The following KIF5C variants were observed in gnomAD, a reference collection of about 807,000 sequenced individuals.
KIF5C encodes kinesin family member 5C.
A neutral mutation model predicts 125.2 loss-of-function variants in KIF5C; 18 were observed. The ratio of observed to expected loss-of-function variants is 0.14; its 90% CI spans 0.10 to 0.21. KIF5C has a LOEUF of 0.21. Ranked by LOEUF, KIF5C falls within the 10% of genes least tolerant of loss-of-function variation. The pLI is 1.00. For synonymous variants in KIF5C, 405 were observed against 434.0 expected (o/e 0.93, Z 0.83); for missense variants, 780 against 1,183.8 (o/e 0.66, Z 5.01).
At chr2:148,963,827 CT>C (rs1682985894) in intron 11 of KIF5C, among the ~76,000 whole-genome samples, 1 of 152,152 alleles carries the variant, frequency 6.6e-6, no homozygotes, top group South Asian at 2.1e-4. Context: ...TCTTGCCAAA[CT>C]TTAACCTTGC....
At position 148,951,159 on chromosome 2, in the gene KIF5C, C is replaced by G. The variant is rs115982771; in HGVS notation, c.968+697C>G. On this transcript the variant is annotated intron_variant, in intron 10 of 25. Coordinates refer to ENST00000435030, the MANE Select transcript of KIF5C (RefSeq NM_004522.3). Reference sequence around the variant, plus strand: ...TAACTGCCTTTAGCTCCGGTATTTGCGATCCATTGCACAGTTGCTGATAAA... The same window carrying G: ...TAACTGCCTTTAGCTCCGGTATTTGGGATCCATTGCACAGTTGCTGATAAA... 4.1e-3 allele frequency among the ~76,000 whole-genome samples: 622 copies of G among 152,156 alleles called. 3 individuals are homozygous for G. Among genetic ancestry groups the G allele is most frequent in the African/African-American group, 0.014 (600 of 41,506 alleles).
At chr2:148,921,750 A>G (rs1271497222) in intron 1 of KIF5C, among the ~76,000 whole-genome samples, 1 of 152,088 alleles carries the variant, frequency 6.6e-6, no homozygotes, top group Non-Finnish European at 1.5e-5. Context: ...CTTATTAGCT[A>G]TCTGCTCAAC....
chr2:148,977,644 G>A (rs1681112401), intron 12 of KIF5C, among the ~76,000 whole-genome samples: 1 of 152,150 alleles, frequency 6.6e-6, no homozygotes, highest in South Asian at 2.1e-4. Flanking sequence ...AGAAACATTG[G>A]TGTAAAGGGT....
At chr2:148,941,848 C>T (rs1682414143) in intron 5 of KIF5C, 87 bp from the exon 6 acceptor site, 2 of 1,536,542 alleles carry the variant, frequency 1.3e-6, no homozygotes, top group Non-Finnish European at 1.8e-6. Flanking sequence ...ATTTGACTGT[C>T]TTTGTAACAA....
In KIF5C at chr2:149,010,037, G is replaced by A. The variant is rs1030174063; in HGVS notation, c.2551-98G>A. ...GGAGTGCCAAGGACAACCTAGCAGG[G>A]GCCACCTGTTCAGCAGCAGGGGCTG... On this transcript the variant is annotated intron_variant, in intron 23 of 25. Coordinates refer to ENST00000435030, the MANE Select transcript of KIF5C (RefSeq NM_004522.3). 4.1e-6 allele frequency: 6 copies of A among 1,455,170 alleles called. No individual in the cohort carries two copies. The South Asian group carries it at 4.4e-5, about 11-fold the overall frequency. The allele number at this position is 1,455,170 out of a possible 1,614,324, so 90.1% of individuals were successfully genotyped here. A position where few individuals can be genotyped will look rare whatever the true frequency, so the allele number is the denominator to read the frequency against.
intron 17 of KIF5C, among the ~76,000 whole-genome samples, chr2:148,996,681 C>T (rs1681683855): frequency 6.6e-6 from 1 of 152,204 alleles, no homozygotes; most frequent in Non-Finnish European, 1.5e-5. Context: ...TGCAGCCCTG[C>T]CCCAAACATG....
chr2:149,012,617 A>G (rs896197302), intron 25 of KIF5C, among the ~76,000 whole-genome samples: 1 of 152,254 alleles, frequency 6.6e-6, no homozygotes, highest in African/African-American at 2.4e-5. Flanking sequence ...CATAGGCTAA[A>G]ACTTCCAAGG....
At chr2:148,964,462 G>A (rs1683002700) in intron 11 of KIF5C, among the ~76,000 whole-genome samples, 1 of 152,150 alleles carries the variant, frequency 6.6e-6, no homozygotes, top group Non-Finnish European at 1.5e-5. Flanking sequence ...AGATTAAAGG[G>A]TGGGCAGTCA....
intron 21 of KIF5C, among the ~76,000 whole-genome samples, chr2:149,001,159 C>A (rs1384507118): frequency 6.6e-6 from 1 of 152,166 alleles, no homozygotes; most frequent in Non-Finnish European, 1.5e-5. Context: ...AGATAAGATC[C>A]CTGTCCTCAT....
At chr2:148,923,374 AT>A (rs1681866984) in intron 2 of KIF5C, among the ~76,000 whole-genome samples, 1 of 152,190 alleles carries the variant, frequency 6.6e-6, no homozygotes, top group Non-Finnish European at 1.5e-5. Context: ...ACATCAATTA[AT>A]TTTGAAGGTC....
intron 15 of KIF5C, among the ~76,000 whole-genome samples, chr2:148,987,775 A>G (rs1273877230): frequency 6.6e-6 from 1 of 152,218 alleles, no homozygotes; most frequent in East Asian, 1.9e-4. Context: ...GTTGAGGTAG[A>G]GTAAATGAAC....
In KIF5C at chr2:148,875,351, G is replaced by C. The variant is rs532163803; in HGVS notation, c.-267G>C. Reference sequence around the variant, plus strand: ...CCGCGTGGTCGCGGGCAGGTGGGCCGGGGGGCGCTGGGCAGGGGCGGGGCA... The same window carrying C: ...CCGCGTGGTCGCGGGCAGGTGGGCCCGGGGGCGCTGGGCAGGGGCGGGGCA... On this transcript the variant is annotated 5_prime_UTR_variant, in exon 1 of 26. Coordinates refer to ENST00000435030, the MANE Select transcript of KIF5C (RefSeq NM_004522.3). The C allele has an allele frequency of 2.0e-5, 7 of 342,334 alleles. No homozygotes were observed. The highest frequency in any genetic ancestry group is 3.7e-5 in the Non-Finnish European group (7 of 190,634). 21.2% of individuals were successfully genotyped at this position (342,334 alleles called of 1,614,324 possible). A position where few individuals can be genotyped will look rare whatever the true frequency, so the allele number is the denominator to read the frequency against.
intron 10 of KIF5C, among the ~76,000 whole-genome samples, chr2:148,951,068 T>C (rs1365326553): frequency 1.3e-5 from 2 of 152,224 alleles, no homozygotes; most frequent in African/African-American, 4.8e-5. Context: ...TTACTTTTGT[T>C]CTTCATGGCA....
chr2:148,898,088 C>A (rs931106068), intron 1 of KIF5C, among the ~76,000 whole-genome samples: 1 of 152,066 alleles, frequency 6.6e-6, no homozygotes, highest in African/African-American at 2.4e-5. Context: ...GCTCTAAGGC[C>A]TTCTGCATGT....
chr2:148,897,918 CAAAAAAAAAAAAAAAAAAAAAAAAAAA>C (rs55762538), intron 1 of KIF5C, among the ~76,000 whole-genome samples: 1 of 20,426 alleles, frequency 4.9e-5, no homozygotes, highest in Non-Finnish European at 8.0e-5. Context: ...GACTCAGTCT[CAAAAAAAAAAAAAAAAAAAAAAAAAAA>C]AAAAAAAAAA....
At chr2:148,977,141 G>A (rs1041199781) in intron 12 of KIF5C, among the ~76,000 whole-genome samples, 2 of 152,286 alleles carry the variant, frequency 1.3e-5, no homozygotes, top group Non-Finnish European at 2.9e-5. Context: ...TATAGTTTGG[G>A]AAATGTCTCT....
intron 15 of KIF5C, among the ~76,000 whole-genome samples, chr2:148,986,903 AAGATG>A: frequency 6.6e-6 from 1 of 152,376 alleles, no homozygotes; most frequent in Non-Finnish European, 1.5e-5. Context: ...AGCATATAAC[AAGATG>A]AGCCCAATGT....
chr2:149,018,846 A>G (rs935932767), intron 25 of KIF5C, among the ~76,000 whole-genome samples: 1 of 151,240 alleles, frequency 6.6e-6, no homozygotes, highest in Non-Finnish European at 1.5e-5. Flanking sequence ...AAAAACAAAC[A>G]AAAAAGGATC....
At chr2:148,941,567 C>T in intron 4 of KIF5C, 43 bp from the exon 5 acceptor site, 1 of 1,550,060 alleles carries the variant, frequency 6.5e-7, no homozygotes, top group Non-Finnish European at 8.7e-7. Flanking sequence ...TTTTGAAATA[C>T]ACTGCGGCAT....
Sources: allele counts gnomAD v4.1 joint callset (sites outside exome capture counted in the v4.1 genomes callset), GRCh38; gene constraint gnomAD v4.1.1; transcripts MANE v1.5; gene names NCBI Gene and HGNC (gene_info 2026-07-23, HGNC 2026-07-21).